The following HS6ST3 variants were observed in gnomAD, a reference collection of about 807,000 sequenced individuals.
HS6ST3 encodes heparan-sulfate 6-O-sulfotransferase 3.
A neutral mutation model predicts 36.7 loss-of-function variants in HS6ST3; 12 were observed. That is an observed-to-expected ratio of 0.33 (90% CI 0.21 to 0.53). The LOEUF (loss-of-function observed/expected upper bound fraction) is 0.53, where lower values mean the gene tolerates loss of function less well. HS6ST3 is among the 20% of genes least tolerant of loss of function. The pLI is 0.95. For synonymous variants in HS6ST3, 240 were observed against 257.5 expected (o/e 0.93, Z 0.65); for missense variants, 584 against 640.9 (o/e 0.91, Z 0.96).
At chr13:96,482,675 G>A (rs1566373647) in intron 1 of HS6ST3, among the ~76,000 whole-genome samples, 1 of 151,952 alleles carries the variant, frequency 6.6e-6, no homozygotes, top group Non-Finnish European at 1.5e-5. Flanking sequence ...ATTGTCCTTC[G>A]TCACCTCAAG....
intron 1 of HS6ST3, among the ~76,000 whole-genome samples, chr13:96,500,808 T>C (rs989733912): frequency 1.1e-4 from 16 of 152,204 alleles, no homozygotes; most frequent in African/African-American, 3.6e-4. Context: ...CCCAGATCAA[T>C]ATGAAATCAA....
At chr13:96,571,553 A>G (rs1035099413) in intron 1 of HS6ST3, among the ~76,000 whole-genome samples, 1 of 152,206 alleles carries the variant, frequency 6.6e-6, no homozygotes, top group African/African-American at 2.4e-5. Context: ...TATCATGCAT[A>G]TGTTTCTCTG....
At chr13:96,470,603 T>G (rs1200920702) in intron 1 of HS6ST3, among the ~76,000 whole-genome samples, 1 of 152,158 alleles carries the variant, frequency 6.6e-6, no homozygotes, top group African/African-American at 2.4e-5. Context: ...CTTAGAACCT[T>G]GCCTCTTCCA....
chr13:96,433,335 T>C (rs1408998479), intron 1 of HS6ST3, among the ~76,000 whole-genome samples: 1 of 152,126 alleles, frequency 6.6e-6, no homozygotes, highest in Non-Finnish European at 1.5e-5. Context: ...ATACAGGAAT[T>C]GATATGGTTT....
At chr13:96,350,074 A>G (rs2055174493) in intron 1 of HS6ST3, among the ~76,000 whole-genome samples, 1 of 151,902 alleles carries the variant, frequency 6.6e-6, no homozygotes, top group South Asian at 2.1e-4. Flanking sequence ...GTAGACTCCA[A>G]ATCTGCAGAG....
At chr13:96,185,645 T>C (rs2054261605) in intron 1 of HS6ST3, among the ~76,000 whole-genome samples, 1 of 152,250 alleles carries the variant, frequency 6.6e-6, no homozygotes, top group African/African-American at 2.4e-5. Flanking sequence ...TCTCCTGTTA[T>C]TAATTGTCTA....
chr13:96,214,417 C>A (rs542481137), intron 1 of HS6ST3, among the ~76,000 whole-genome samples: 1 of 152,134 alleles, frequency 6.6e-6, no homozygotes, highest in Non-Finnish European at 1.5e-5. Context: ...GGTCTGTTTC[C>A]CCCAGACTCC....
chr13:96,505,983 G>A (rs1028182824), intron 1 of HS6ST3, among the ~76,000 whole-genome samples: 4 of 152,108 alleles, frequency 2.6e-5, no homozygotes, highest in East Asian at 1.9e-4. Context: ...TCTCTGAGAC[G>A]CTGCATGAAG....
At chr13:96,369,454 G>A (rs1484133236) in intron 1 of HS6ST3, among the ~76,000 whole-genome samples, 1 of 152,228 alleles carries the variant, frequency 6.6e-6, no homozygotes, top group Non-Finnish European at 1.5e-5. Context: ...CACCGTGTGA[G>A]TATAATTGGG....
chr13:96,344,851 A>G (rs1035562183), intron 1 of HS6ST3, among the ~76,000 whole-genome samples: 2 of 152,226 alleles, frequency 1.3e-5, no homozygotes, highest in Admixed American at 6.5e-5. Context: ...TGTTTTGCTC[A>G]TAGATAGATG....
At chr13:96,742,480 T>C (rs1005239726) in intron 1 of HS6ST3, among the ~76,000 whole-genome samples, 5 of 152,010 alleles carry the variant, frequency 3.3e-5, no homozygotes, top group African/African-American at 1.2e-4. Context: ...AGTGAAAGGA[T>C]GAAAAAAGAT....
rs1877465853 is a variant in HS6ST3, at chr13:96,779,176, G to A, written c.708-53314G>A. On this transcript the variant is annotated intron_variant, in intron 1 of 1. Transcript: ENST00000376705. ...ACACACTGGGGCCTATTGATGAGTG[G>A]GGGGCTAGGGGAGGGATAGAATTAG... 2.0e-5 allele frequency among the ~76,000 whole-genome samples: 3 copies of A among 152,086 alleles called. No homozygotes were observed. In the South Asian group the frequency reaches 6.2e-4, roughly 32 times the overall value.
intron 1 of HS6ST3, among the ~76,000 whole-genome samples, chr13:96,766,816 T>C (rs1002798063): frequency 2.0e-5 from 3 of 152,224 alleles, no homozygotes; most frequent in Non-Finnish European, 4.4e-5. Context: ...GGACCTCTTC[T>C]GGTGGCATGC....
chr13:96,307,989 G>A (rs956264330), intron 1 of HS6ST3, among the ~76,000 whole-genome samples: 2 of 152,084 alleles, frequency 1.3e-5, no homozygotes, highest in Non-Finnish European at 1.5e-5. Context: ...TTTAAAGAGA[G>A]AGAGAAGATG....
At chr13:96,773,489 G>A (rs117799964) in intron 1 of HS6ST3, among the ~76,000 whole-genome samples, 7,456 of 151,990 alleles carry the variant, frequency 0.049, 235 homozygotes, top group Non-Finnish European at 0.075. Context: ...AGCTTGGTCC[G>A]GGGAGAGGCA....
chr13:96,330,448 G>A (rs2055059661), intron 1 of HS6ST3, among the ~76,000 whole-genome samples: 1 of 147,236 alleles, frequency 6.8e-6, no homozygotes, highest in South Asian at 2.2e-4. Context: ...ATGAAGCTTA[G>A]TTTGGCTGGA....
intron 1 of HS6ST3, among the ~76,000 whole-genome samples, chr13:96,668,048 T>C (rs934350240): frequency 7.2e-5 from 11 of 152,192 alleles, no homozygotes; most frequent in African/African-American, 2.7e-4. Flanking sequence ...TTTTAAGTAA[T>C]GTACAAGGGT....
At chr13:96,796,953 C>T (rs1877927502) in intron 1 of HS6ST3, among the ~76,000 whole-genome samples, 1 of 151,966 alleles carries the variant, frequency 6.6e-6, no homozygotes, top group African/African-American at 2.4e-5. Flanking sequence ...AATCTGAGGA[C>T]TCTGACTACC....
chr13:96,721,034 A>G (rs1426384918), intron 1 of HS6ST3, among the ~76,000 whole-genome samples: 1 of 152,220 alleles, frequency 6.6e-6, no homozygotes, highest in African/African-American at 2.4e-5. Context: ...GTGAGCAGAT[A>G]GCGGGGACCT....
Sources: gnomAD v4.1 joint callset for allele counts (sites outside exome capture counted in the v4.1 genomes callset) on GRCh38, gnomAD v4.1.1 for gene constraint, MANE v1.5 for transcripts, NCBI Gene and HGNC (gene_info 2026-07-23, HGNC 2026-07-21) for gene names.